JAK1: variants seen among roughly 807,000 people sequenced by gnomAD.
JAK1 encodes tyrosine-protein kinase JAK1.
Under a neutral mutation model 136.6 loss-of-function variants are expected in JAK1, and 16 were observed. The ratio of observed to expected loss-of-function variants is 0.12; its 90% CI spans 0.08 to 0.18. The LOEUF (loss-of-function observed/expected upper bound fraction) is 0.18. Ranked by LOEUF, JAK1 falls within the 10% of genes least tolerant of loss-of-function variation. The pLI, the probability that JAK1 is intolerant of heterozygous loss-of-function variation, is 1.00. For synonymous variants in JAK1, 492 were observed against 519.5 expected, an observed-to-expected ratio of 0.95 and a Z score of 0.72; for missense variants, 859 against 1,450.1, an observed-to-expected ratio of 0.59 and a Z score of 6.62.
intron 1 of JAK1, among the ~76,000 whole-genome samples, chr1:64,913,687 G>A (rs1455009620): frequency 3.0e-4 from 10 of 33,090 alleles, no homozygotes; most frequent in African/African-American, 5.5e-4. Context: ...AAGGAAGGAA[G>A]GAAGGAAGGA....
At chr1:64,894,150 C>A (rs1015524436) in intron 1 of JAK1, among the ~76,000 whole-genome samples, 2 of 152,212 alleles carry the variant, frequency 1.3e-5, no homozygotes, top group African/African-American at 4.8e-5. Context: ...ACAGCCTCCA[C>A]CGGTCACCAG....
chr1:64,867,316 G>T (rs1451167884), intron 6 of JAK1, 108 bp from the exon 7 acceptor site: 1 of 755,616 alleles, frequency 1.3e-6, no homozygotes, highest in Non-Finnish European at 2.1e-6. Context: ...ATGGGAAAGG[G>T]AGATCTATTC....
chr1:64,966,989 T>G (rs1646398242), upstream of JAK1, among the ~76,000 whole-genome samples: 1 of 151,044 alleles, frequency 6.6e-6, no homozygotes, highest in South Asian at 2.1e-4. Flanking sequence ...AAAAAGAATT[T>G]AACAATACAG....
chr1:64,944,100 T>C (rs1557712696), intron 1 of JAK1, among the ~76,000 whole-genome samples: 1 of 151,322 alleles, frequency 6.6e-6, no homozygotes, highest in African/African-American at 2.4e-5. Flanking sequence ...CAGGTGCCTG[T>C]AGTCCCAGCT....
At chr1:64,937,030 C>A (rs540488472) in intron 1 of JAK1, among the ~76,000 whole-genome samples, 2 of 140,034 alleles carry the variant, frequency 1.4e-5, no homozygotes, top group East Asian at 4.8e-4. Flanking sequence ...TTTCAAATGA[C>A]TGTTTAAAAA....
chr1:64,846,729 A>T lies in JAK1; in HGVS notation c.1907T>A (p.Phe636Tyr), dbSNP rs1293822398. ...PSHRDISLAFFEAASMMRQVS... is the reference protein window; with the variant it reads ...PSHRDISLAFYEAASMMRQVS... ...CTGTCTCATCATGCTGGCTGCCTCG[A>T]AGAAGGCCTGTGGGCGAGCAGGACA... Residue 636 changes from phenylalanine (F) to tyrosine (Y), a missense_variant, in exon 14 of 25, where the codon TTC becomes TAC. By Grantham distance (22) the Phe-to-Tyr change is conservative. Coordinates refer to ENST00000342505, the MANE Select transcript of JAK1 (RefSeq NM_002227.4). The T allele has an allele frequency of 1.2e-6, 2 of 1,613,762 alleles. No individual in the cohort carries two copies. Among genetic ancestry groups the T allele is most frequent in the African/African-American group, 1.3e-5 (1 of 75,048 alleles).
chr1:65,024,852 C>T (rs1272020979), intron 2 of JAK1, among the ~76,000 whole-genome samples: 2 of 151,972 alleles, frequency 1.3e-5, no homozygotes, highest in African/African-American at 4.8e-5. Flanking sequence ...TGGCAGGCAC[C>T]TGTAATCTCA....
chr1:64,841,715 A>T, intron 17 of JAK1, 114 bp from the exon 18 acceptor site: 1 of 1,077,108 alleles, frequency 9.3e-7, no homozygotes, highest in South Asian at 1.4e-5. Context: ...CTCCACTTAC[A>T]GGTAGATTTC....
chr1:64,869,421 C>T lies in JAK1; in HGVS notation c.537G>A (p.Glu179=). The part of the protein sequence containing the change: ...CLAPIRDPKT[E]QDGHDIENEC... ...CGTTCTCAATATCATGTCCATCCTG[C>T]TCGGTCTTGGGGTCTCGAATAGGAG... Residue 179 remains glutamate (E), a synonymous_variant, in exon 6 of 25, where the codon GAG becomes GAA. Transcript: ENST00000342505. 1.9e-6 allele frequency: 3 copies of T among 1,613,914 alleles called. No homozygotes were observed. The highest frequency in any genetic ancestry group is 2.5e-6 in the Non-Finnish European group (3 of 1,179,856).
At chr1:65,029,569 C>A (rs1647005696) in intron 2 of JAK1, among the ~76,000 whole-genome samples, 1 of 152,142 alleles carries the variant, frequency 6.6e-6, no homozygotes, top group African/African-American at 2.4e-5. Context: ...AACCTAAATG[C>A]CCATCATTGG....
rs1234908507 is a variant in JAK1, at chr1:64,839,346, A to AG, written c.2842+256dup. On this transcript the variant is annotated intron_variant, in intron 20 of 24. Coordinates refer to ENST00000342505, the MANE Select transcript of JAK1 (RefSeq NM_002227.4). ...AGGTAGAGTAGGAATCAGTTTCATA[A>AG]GGCATAAGTGCAAGTGACGTGGAGA... 10 of 374,830 alleles carry AG rather than the reference A, an allele frequency of 2.7e-5. No individual in the cohort carries two copies. In the South Asian group the frequency reaches 4.1e-4, roughly 15 times the overall value. The allele number at this position is 374,830 out of a possible 1,614,324, so 23.2% of individuals were successfully genotyped here.
intron 1 of JAK1, among the ~76,000 whole-genome samples, chr1:64,915,571 T>C (rs7524747): frequency 4.1e-4 from 62 of 152,314 alleles, no homozygotes; most frequent in East Asian, 1.3e-3. Context: ...TCCAGTAAAA[T>C]GGTCCACAAT....
At chr1:64,913,699 GGAAA>G (rs1178560054) in intron 1 of JAK1, among the ~76,000 whole-genome samples, 2 of 31,202 alleles carry the variant, frequency 6.4e-5, no homozygotes, top group African/African-American at 1.9e-4. Context: ...AAGGAAGGAA[GGAAA>G]GAAGGGAGGG....
chr1:64,872,119 C>T (rs368741027), intron 5 of JAK1, among the ~76,000 whole-genome samples: 1 of 152,178 alleles, frequency 6.6e-6, no homozygotes, highest in Non-Finnish European at 1.5e-5. Flanking sequence ...TACATCAGAT[C>T]TTTTCAACTG....
intron 2 of JAK1, among the ~76,000 whole-genome samples, chr1:65,025,705 T>C (rs1438877084): frequency 6.6e-6 from 1 of 152,034 alleles, no homozygotes; most frequent in African/African-American, 2.4e-5. Context: ...TGAGACAGGG[T>C]CTTACTCTGT....
In JAK1 at chr1:64,860,929, CGTGTGTGTGT is replaced by C. The variant is rs577274261; in HGVS notation, c.1177-677_1177-668del. ...ATGCAGAGAAGCTGTCCCCTGGGTCCGTGTGTGTGTGTGTGTGTGTGTGTGTGTGTGTGTG... is the reference window on the plus strand; with the variant it reads ...ATGCAGAGAAGCTGTCCCCTGGGTCCGTGTGTGTGTGTGTGTGTGTGTGTG... On this transcript the variant is annotated intron_variant, in intron 8 of 24. Transcript: ENST00000342505. 7.4e-4 allele frequency among the ~76,000 whole-genome samples: 36 copies of C among 48,516 alleles called. 1 individual carries two copies. The East Asian group carries it at 0.012, about 16-fold the overall frequency. The allele number at this position is 48,516 out of a possible 152,430, so 31.8% of individuals were successfully genotyped here.
At chr1:65,059,787 AATAATT>A (rs1647710910) in intron 1 of JAK1, among the ~76,000 whole-genome samples, 1 of 152,192 alleles carries the variant, frequency 6.6e-6, no homozygotes, top group Non-Finnish European at 1.5e-5. Flanking sequence ...ATATTTGAAA[AATAATT>A]ATGTTTTCAT....
intron 1 of JAK1, among the ~76,000 whole-genome samples, chr1:64,892,954 C>T (rs1046542537): frequency 1.3e-5 from 2 of 152,068 alleles, no homozygotes; most frequent in African/African-American, 2.4e-5. Flanking sequence ...AACATATACA[C>T]GGGAACCCCA....
rs1646582278 is a variant in JAK1, at chr1:64,984,787, C to T, written c.-78+59693G>A. ...AAGATCAAGAAGGTAATGAGGAAGT[C>T]GGTGAAGATAATAAAAACGTAGGCT... On this transcript the variant is annotated intron_variant, in intron 2 of 25. Coordinates refer to the JAK1 transcript ENST00000671954. This position sits in a 1 kb window ranked among gnomAD's most constrained non-coding sequence, Gnocchi z 4.1. 10 of 1,026,878 alleles carry T rather than the reference C, an allele frequency of 9.7e-6. No homozygotes were observed. The highest frequency in any genetic ancestry group is 1.4e-5 in the South Asian group (1 of 72,298). 63.6% of individuals were successfully genotyped at this position (1,026,878 alleles called of 1,614,324 possible).
Sources: gnomAD v4.1 joint callset for allele counts (sites outside exome capture counted in the v4.1 genomes callset) on GRCh38, gnomAD v4.1.1 for gene constraint, Gnocchi (gnomAD v3.1) non-coding constraint, MANE v1.5 for transcripts, NCBI Gene and HGNC (gene_info 2026-07-23, HGNC 2026-07-21) for gene names.